Variants in GALNT13 observed in about 807,000 individuals in gnomAD.
The protein encoded by GALNT13 is UDP-GalNAc:polypeptide N-acetylgalactosaminyltransferase 13.
In GALNT13, 28 loss-of-function variants were observed where a neutral mutation model predicts 64.2. The ratio of observed to expected loss-of-function variants is 0.44; its 90% CI spans 0.32 to 0.60. GALNT13 has a LOEUF of 0.60. GALNT13 is among the 20% of genes least tolerant of loss of function. GALNT13 has a pLI of 0.05. For synonymous variants in GALNT13, 214 were observed against 224.6 expected, an observed-to-expected ratio of 0.95 and a Z score of 0.42; for missense variants, 577 against 669.8, an observed-to-expected ratio of 0.86 and a Z score of 1.53.
chr2:153,439,291 G>C, the GALNT13 span, among the ~76,000 whole-genome samples: 9 of 152,142 alleles, frequency 5.9e-5, no homozygotes, highest in Non-Finnish European at 1.0e-4. Context: ...GAGGCAGTCT[G>C]CCTGTTCTCA....
chr2:154,013,495 C>T (rs927460276), intron 3 of GALNT13, among the ~76,000 whole-genome samples: 30 of 152,270 alleles, frequency 2.0e-4, no homozygotes, highest in Admixed American at 5.2e-4. Flanking sequence ...TGTGGCCTTG[C>T]AGTGGAGTGC....
the GALNT13 span, among the ~76,000 whole-genome samples, chr2:153,598,604 A>C: frequency 6.6e-6 from 1 of 152,080 alleles, no homozygotes; most frequent in South Asian, 2.1e-4. Flanking sequence ...CACTGCTAAC[A>C]ATATCTACAG....
chr2:153,404,050 C>T, the GALNT13 span, among the ~76,000 whole-genome samples: 2 of 152,158 alleles, frequency 1.3e-5, no homozygotes, highest in South Asian at 2.1e-4. Flanking sequence ...CAAATCTCCC[C>T]TTTCATTAGG....
At chr2:154,248,893 T>C (rs970226513) in intron 7 of GALNT13, among the ~76,000 whole-genome samples, 10 of 152,148 alleles carry the variant, frequency 6.6e-5, no homozygotes, top group African/African-American at 2.4e-4. Flanking sequence ...AGGGGGAAAA[T>C]ATATTTATTG....
the GALNT13 span, among the ~76,000 whole-genome samples, chr2:153,320,635 T>G: frequency 2.0e-5 from 3 of 152,300 alleles, no homozygotes; most frequent in Non-Finnish European, 2.9e-5. Flanking sequence ...TTGCATGGAA[T>G]TGTAATATCT....
intron 3 of GALNT13, among the ~76,000 whole-genome samples, chr2:153,995,899 T>C (rs1247706098): frequency 6.6e-6 from 1 of 152,282 alleles, no homozygotes; most frequent in South Asian, 2.1e-4. Context: ...CTTTTAGAAA[T>C]TTCATCTATT....
the GALNT13 span, among the ~76,000 whole-genome samples, chr2:153,545,312 G>A: frequency 2.1e-3 from 314 of 152,246 alleles, 1 homozygote; most frequent in Non-Finnish European, 3.7e-3. Flanking sequence ...CATAGCAGAA[G>A]GAAAGAGCAA....
intron 8 of GALNT13, among the ~76,000 whole-genome samples, chr2:154,260,767 T>C (rs1178161947): frequency 6.6e-6 from 1 of 152,164 alleles, no homozygotes; most frequent in African/African-American, 2.4e-5. Context: ...TTAGAAATAA[T>C]TTGCTTCTAT....
At chr2:154,275,167 A>G (rs147048477) in intron 8 of GALNT13, among the ~76,000 whole-genome samples, 38 of 152,298 alleles carry the variant, frequency 2.5e-4, no homozygotes, top group African/African-American at 9.1e-4. Context: ...CTGTTGATGC[A>G]ATAGAAAAGA....
intron 3 of GALNT13, among the ~76,000 whole-genome samples, chr2:154,043,199 G>A (rs61439216): frequency 0.082 from 12,397 of 151,788 alleles, 1,414 homozygotes; most frequent in East Asian, 0.61. Context: ...AGATATAACT[G>A]AAATGCTGGA....
chr2:153,269,692 C>A, the GALNT13 span, among the ~76,000 whole-genome samples: 1 of 150,450 alleles, frequency 6.6e-6, no homozygotes, highest in Non-Finnish European at 1.5e-5. Flanking sequence ...TAAGATACTA[C>A]CTGAGACTGG....
chr2:153,089,182 T>C, the GALNT13 span, among the ~76,000 whole-genome samples: 13 of 152,300 alleles, frequency 8.5e-5, no homozygotes, highest in African/African-American at 3.1e-4. Flanking sequence ...TGGTGAATTC[T>C]CTCAGCATTT....
the GALNT13 span, among the ~76,000 whole-genome samples, chr2:153,234,999 A>T: frequency 6.6e-6 from 1 of 152,170 alleles, no homozygotes; most frequent in African/African-American, 2.4e-5. Context: ...TTAGTATTAT[A>T]TCTGCTATGG....
chr2:153,671,966 T>C, the GALNT13 span, among the ~76,000 whole-genome samples: 11 of 152,340 alleles, frequency 7.2e-5, no homozygotes, highest in Middle Eastern at 3.4e-3. Flanking sequence ...GGCCATTACA[T>C]AATGATAAAA....
the GALNT13 span, among the ~76,000 whole-genome samples, chr2:153,339,452 ATTGAG>A: frequency 6.6e-4 from 100 of 152,230 alleles, 1 homozygote; most frequent in African/African-American, 2.3e-3. Flanking sequence ...TAATTTTTAA[ATTGAG>A]TTATTTGTTT....
intron 3 of GALNT13, among the ~76,000 whole-genome samples, chr2:154,074,424 C>G (rs1298025388): frequency 1.3e-5 from 2 of 151,812 alleles, no homozygotes; most frequent in Admixed American, 1.3e-4. Context: ...TTTTTACATA[C>G]ATAATTTTGT....
the GALNT13 span, among the ~76,000 whole-genome samples, chr2:153,345,670 T>TCTTC: frequency 1.9e-4 from 27 of 144,010 alleles, no homozygotes; most frequent in African/African-American, 6.8e-4. Context: ...TTTCTTTCTT[T>TCTTC]CTTTCTTTCT....
At chr2:154,257,309 A>G (rs907524393) in intron 7 of GALNT13, among the ~76,000 whole-genome samples, 34 of 152,160 alleles carry the variant, frequency 2.2e-4, no homozygotes, top group South Asian at 2.1e-4. Context: ...TTTATCAGTA[A>G]GTAGATAAGT....
chr2:154,194,336 C>G (rs1268710424), intron 4 of GALNT13, among the ~76,000 whole-genome samples: 3 of 152,226 alleles, frequency 2.0e-5, no homozygotes, highest in Non-Finnish European at 2.9e-5. Flanking sequence ...GTAGATATCT[C>G]AAATGAGAGG....
Sources: allele counts gnomAD v4.1 joint callset (sites outside exome capture counted in the v4.1 genomes callset), GRCh38; gene constraint gnomAD v4.1.1; transcripts MANE v1.5; gene names NCBI Gene and HGNC (gene_info 2026-07-23, HGNC 2026-07-21).